Variants in PM20D2 observed in about 807,000 individuals in gnomAD.
PM20D2 encodes peptidase M20 domain containing 2.
In PM20D2, 33 loss-of-function variants were observed where a neutral mutation model predicts 42.9. The observed-to-expected ratio is 0.77, with a 90% confidence interval of 0.58 to 1.03. The LOEUF is 1.03. Ranked by LOEUF, PM20D2 falls within the 50% of genes least tolerant of loss-of-function variation. The pLI is 0.00. For missense variants in PM20D2, 548 were observed against 557.0 expected, an observed-to-expected ratio of 0.98 and a Z score of 0.16; for synonymous variants, 250 against 228.2, an observed-to-expected ratio of 1.10 and a Z score of -0.86.
In PM20D2 at chr6:89,161,719, A is replaced by G. The variant is rs1771244566; in HGVS notation, c.1049-64A>G. ...CTCTTCTAACAGGGACTGTGACTTC[A>G]TAACTCCAGAATACTTAACCACATA... On this transcript the variant is annotated intron_variant, in intron 5 of 6. Transcript: ENST00000275072. The G allele has an allele frequency of 4.6e-6, 6 of 1,292,048 alleles. No homozygotes were observed. In the South Asian group the frequency reaches 6.1e-5, roughly 13 times the overall value. 80.0% of individuals were successfully genotyped at this position (1,292,048 alleles called of 1,614,324 possible).
the PM20D2 span, among the ~76,000 whole-genome samples, chr6:89,099,533 T>C: frequency 1.1e-4 from 12 of 105,824 alleles, 1 homozygote; most frequent in East Asian, 6.5e-4. Context: ...CACACACACA[T>C]ACATGTTTTT....
the PM20D2 span, among the ~76,000 whole-genome samples, chr6:89,112,370 A>G: frequency 6.6e-6 from 1 of 151,990 alleles, no homozygotes; most frequent in Non-Finnish European, 1.5e-5. Context: ...AATTTGAAAA[A>G]TATTTGAAAA....
Position 89,164,080 on chromosome 6 carries a change from TTCGGTTTTAAC to T in PM20D2, c.*1818_*1828del. 1 of 152,276 alleles carries T rather than the reference TTCGGTTTTAAC, an allele frequency of 6.6e-6. No individual in the cohort carries two copies. Among genetic ancestry groups the T allele is most frequent in the African/African-American group, 2.4e-5 (1 of 41,540 alleles). The allele number at this position is 152,276 out of a possible 1,614,324, so 9.4% of individuals were successfully genotyped here. A position where few individuals can be genotyped will look rare whatever the true frequency, so the allele number is the denominator to read the frequency against. On this transcript the variant is annotated 3_prime_UTR_variant, in exon 7 of 7. Transcript: ENST00000275072. ...GCCTTTTAAAAATTTTGGACTGCTT[TTCGGTTTTAAC>T]AAATTCTCCACATGTGAACTACTCA...
upstream of PM20D2, among the ~76,000 whole-genome samples, chr6:89,141,397 A>C (rs1261319703): frequency 1.3e-5 from 2 of 152,012 alleles, no homozygotes; most frequent in Non-Finnish European, 2.9e-5. Flanking sequence ...ACAGAGTCTC[A>C]CTCTGTCACC....
In PM20D2 at chr6:89,165,215, A is replaced by G. The variant is rs1771380329; in HGVS notation, c.*2952A>G. On this transcript the variant is annotated 3_prime_UTR_variant, in exon 7 of 7. Coordinates refer to ENST00000275072, the MANE Select transcript of PM20D2 (RefSeq NM_001010853.3). The stretch of plus-strand genomic sequence containing the variant: ...AAAAACCTGTCTGATGGTGTTTTAT[A>G]CATTTCTAACTTTTTACCTGAGTTA... 6.6e-6 allele frequency: 1 copy of G among 152,172 alleles called. No individual in the cohort carries two copies. Among genetic ancestry groups the G allele is most frequent in the Middle Eastern group, 3.4e-3 (1 of 294 alleles). The allele number at this position is 152,172 out of a possible 1,614,324, so 9.4% of individuals were successfully genotyped here.
intron 1 of PM20D2, 105 bp from the exon 2 acceptor site, chr6:89,149,160 T>A: frequency 7.2e-7 from 1 of 1,384,996 alleles, no homozygotes; most frequent in Non-Finnish European, 9.9e-7. Flanking sequence ...TCTTAATAGG[T>A]TAAGGACTTT....
chr6:89,099,430 G>GTA, the PM20D2 span, among the ~76,000 whole-genome samples: 1 of 127,120 alleles, frequency 7.9e-6, no homozygotes, highest in Admixed American at 7.7e-5. Flanking sequence ...ATATATGTGT[G>GTA]TATATATATA....
the PM20D2 span, among the ~76,000 whole-genome samples, chr6:89,139,491 G>C: frequency 8.7e-3 from 1,330 of 152,280 alleles, 17 homozygotes; most frequent in African/African-American, 0.031. Context: ...TGGGATTATA[G>C]GCGAGAGCCA....
the PM20D2 span, chr6:89,105,608 G>A: frequency 2.0e-6 from 2 of 1,017,994 alleles, no homozygotes; most frequent in South Asian, 2.4e-5. Flanking sequence ...CATGTGAAAT[G>A]AAATTAATAG....
At chr6:89,117,764 G>T in the PM20D2 span, 1 of 1,485,002 alleles carries the variant, frequency 6.7e-7, no homozygotes, top group Non-Finnish European at 9.0e-7. Flanking sequence ...CGTGCTCCGC[G>T]GCGCGGCTGT....
At chr6:89,136,713 A>G in the PM20D2 span, among the ~76,000 whole-genome samples, 2 of 151,080 alleles carry the variant, frequency 1.3e-5, no homozygotes, top group Non-Finnish European at 2.9e-5. Context: ...CACTATATAT[A>G]CCTTTATATT....
At position 89,146,593 on chromosome 6, in the gene PM20D2, C is replaced by T; in HGVS notation, c.449C>T (p.Pro150Leu). The change falls in exon 1 of 7, where the codon CCG (proline) becomes CTG (leucine). Residue 150 changes from proline (P) to leucine (L), a missense_variant. By Grantham distance (98) the Pro-to-Leu change is moderately conservative. Around this residue, in one of 3 missense-constraint regions of PM20D2, gnomAD observed 470 missense variants for 464.4 expected, o/e 1.01. Transcript: ENST00000275072. The part of the protein sequence containing the change: ...VRGALEGLPR[P>L]PPPVKVVVLG... Reference sequence around the variant, plus strand: ...GGGGCCTTAGAGGGCCTCCCCAGGCCGCCTCCGCCCGTGAAGGTGAGGTGG... The same window carrying T: ...GGGGCCTTAGAGGGCCTCCCCAGGCTGCCTCCGCCCGTGAAGGTGAGGTGG... 1.4e-6 allele frequency: 2 copies of T among 1,450,898 alleles called. No homozygotes were observed. Among genetic ancestry groups the T allele is most frequent in the Non-Finnish European group, 1.8e-6 (2 of 1,108,270 alleles). 89.9% of individuals were successfully genotyped at this position (1,450,898 alleles called of 1,614,324 possible). A position where few individuals can be genotyped will look rare whatever the true frequency, so the allele number is the denominator to read the frequency against.
chr6:89,159,791 G>A (rs1771172996), intron 5 of PM20D2, among the ~76,000 whole-genome samples: 1 of 152,134 alleles, frequency 6.6e-6, no homozygotes, highest in Non-Finnish European at 1.5e-5. Flanking sequence ...GCCACTGAGA[G>A]GAGTTGTCCA....
chr6:89,120,137 T>C, the PM20D2 span, among the ~76,000 whole-genome samples: 2 of 152,208 alleles, frequency 1.3e-5, no homozygotes, highest in African/African-American at 4.8e-5. Context: ...ACTGCCCCCA[T>C]GATTCAGTTA....
At chr6:89,130,758 C>T in the PM20D2 span, among the ~76,000 whole-genome samples, 768 of 145,856 alleles carry the variant, frequency 5.3e-3, 2 homozygotes, top group African/African-American at 0.019. Context: ...CTACATCTGG[C>T]CTTGAACTTC....
At position 89,146,458 on chromosome 6, in the gene PM20D2, C is replaced by T. The variant is rs1184931912; in HGVS notation, c.314C>T (p.Pro105Leu). The change falls in exon 1 of 7, where the codon CCG becomes CTG. Residue 105 changes from proline to leucine, a missense_variant. Pro to Leu is a moderately conservative substitution (Grantham distance 98). Transcript: ENST00000275072. Reference protein sequence around the residue: ...EARAPSATPRPLHLGFLCEYD... With the variant: ...EARAPSATPRLLHLGFLCEYD... ...CGGGCACCGAGCGCCACGCCACGCC[C>T]GCTGCACCTGGGCTTCCTCTGCGAG... 4 of 1,523,440 alleles carry T rather than the reference C, an allele frequency of 2.6e-6. No homozygotes were observed. The highest frequency in any genetic ancestry group is 2.6e-6 in the Non-Finnish European group (3 of 1,142,826). 94.4% of individuals were successfully genotyped at this position (1,523,440 alleles called of 1,614,324 possible).
At chr6:89,140,005 A>T in the PM20D2 span, among the ~76,000 whole-genome samples, 1 of 152,254 alleles carries the variant, frequency 6.6e-6, no homozygotes, top group African/African-American at 2.4e-5. Context: ...AAAGGGCCCC[A>T]GCCATAAACA....
At chr6:89,120,770 G>A in the PM20D2 span, among the ~76,000 whole-genome samples, 3 of 152,120 alleles carry the variant, frequency 2.0e-5, no homozygotes, top group African/African-American at 7.2e-5. Context: ...CTGCTCAGGT[G>A]GCTGAGGCAA....
rs11371350 is a variant in PM20D2 at position 89,155,878 on chromosome 6, AT to A, written c.912+987del. ...AGGCGCTTGCCACCACACCTGGCTAATTTTTTTTTTTCTTTTTTTTTTTTGA... is the reference window on the plus strand; with the variant it reads ...AGGCGCTTGCCACCACACCTGGCTAATTTTTTTTTTCTTTTTTTTTTTTGA... On this transcript the variant is annotated intron_variant, in intron 4 of 6. Coordinates refer to ENST00000275072, the MANE Select transcript of PM20D2 (RefSeq NM_001010853.3). 3.0e-3 allele frequency among the ~76,000 whole-genome samples: 427 copies of A among 143,324 alleles called. 5 individuals carry two copies. Among genetic ancestry groups the A allele is most frequent in the Non-Finnish European group, 4.0e-3 (262 of 65,972 alleles). 94.0% of individuals were successfully genotyped at this position (143,324 alleles called of 152,430 possible).
Sources: gnomAD v4.1 joint callset for allele counts (sites outside exome capture counted in the v4.1 genomes callset) on GRCh38, gnomAD v4.1.1 for gene constraint, gnomAD v4.1.1 regional missense constraint, MANE v1.5 for transcripts, NCBI Gene and HGNC (gene_info 2026-07-23, HGNC 2026-07-21) for gene names.